ABLIM1: variants seen among roughly 807,000 people sequenced by gnomAD.
ABLIM1 encodes the protein actin binding LIM protein 1, also known as actin-binding LIM protein 1.
In ABLIM1, 40 loss-of-function variants were observed where a neutral mutation model predicts 107.0. The ratio of observed to expected loss-of-function variants is 0.37; its 90% CI spans 0.29 to 0.49. The LOEUF (loss-of-function observed/expected upper bound fraction) is 0.49, where lower values mean the gene tolerates loss of function less well. Among genes scored for constraint, ABLIM1 ranks in the 20% least tolerant of loss-of-function variants. The probability of loss-of-function intolerance (pLI) is 0.97; values close to 1 mark genes in which losing one functional copy is unlikely to be tolerated. For missense variants in ABLIM1, 857 were observed against 1,008.5 expected, an observed-to-expected ratio of 0.85 and a Z score of 2.04; for synonymous variants, 357 against 357.3, an observed-to-expected ratio of 1.00 and a Z score of 0.01.
chr10:114,527,659 C>CTTTTTT (rs10639922), intron 6 of ABLIM1, among the ~76,000 whole-genome samples: 3 of 127,288 alleles, frequency 2.4e-5, no homozygotes, highest in African/African-American at 6.2e-5. Flanking sequence ...CAACTCTTGT[C>CTTTTTT]TTTTTTTTTT....
intron 6 of ABLIM1, among the ~76,000 whole-genome samples, chr10:114,507,787 G>A (rs2061356503): frequency 6.6e-6 from 1 of 152,196 alleles, no homozygotes; most frequent in South Asian, 2.1e-4. Flanking sequence ...GTTCCACTGT[G>A]TACAGTCACA....
intron 1 of ABLIM1, among the ~76,000 whole-genome samples, chr10:114,711,334 T>A (rs2081543784): frequency 6.6e-6 from 1 of 152,186 alleles, no homozygotes; most frequent in Admixed American, 6.5e-5. Flanking sequence ...TATAGGGTAC[T>A]GGGTATGTCT....
intron 6 of ABLIM1, among the ~76,000 whole-genome samples, chr10:114,528,140 T>G (rs760401440): frequency 3.3e-5 from 5 of 152,146 alleles, no homozygotes; most frequent in Non-Finnish European, 5.9e-5. Flanking sequence ...CCGGCAATTT[T>G]TAAATTTTTT....
intron 11 of ABLIM1, among the ~76,000 whole-genome samples, chr10:114,466,793 T>G (rs1301441919): frequency 6.6e-6 from 1 of 152,188 alleles, no homozygotes; most frequent in Non-Finnish European, 1.5e-5. Context: ...TTCAAATACT[T>G]TCATAGTACT....
At chr10:114,712,455 GT>G (rs2081574807) in intron 1 of ABLIM1, among the ~76,000 whole-genome samples, 1 of 151,406 alleles carries the variant, frequency 6.6e-6, no homozygotes, top group Non-Finnish European at 1.5e-5. Context: ...ATAAAAGATG[GT>G]TTTCAAGCCA....
chr10:114,601,935 G>C lies in ABLIM1; in HGVS notation c.271C>G (p.Pro91Ala). The C allele has an allele frequency of 1.9e-6, 3 of 1,614,138 alleles. No homozygotes were observed. The highest frequency in any genetic ancestry group is 2.5e-6 in the Non-Finnish European group (3 of 1,180,030). The change falls in exon 2 of 23, where the codon CCA (proline) becomes GCA (alanine). Residue 91 changes from proline (P) to alanine (A), a missense_variant. Physicochemically the swap from Pro to Ala is conservative, Grantham distance 27. Transcript: ENST00000533213. ...FVAHPQDPHH[P>A]SEKPVIHCHK... ...CAGTGAATGACAGGCTTCTCTGATGGGTGGTGAGGGTCCTGAGGGTGGGCC... is the reference window on the plus strand; with the variant it reads ...CAGTGAATGACAGGCTTCTCTGATGCGTGGTGAGGGTCCTGAGGGTGGGCC...
intron 12 of ABLIM1, chr10:114,465,436 T>C (rs899471440): frequency 1.0e-5 from 3 of 287,660 alleles, no homozygotes; most frequent in African/African-American, 2.2e-5. Flanking sequence ...TAAAAAAATT[T>C]TTAAAAAAAC....
At chr10:114,776,792 T>C in the ABLIM1 span, among the ~76,000 whole-genome samples, 1 of 152,146 alleles carries the variant, frequency 6.6e-6, no homozygotes, top group Non-Finnish European at 1.5e-5. Context: ...TAATTTTCCT[T>C]TTCCCTGTAG....
At position 114,622,804 on chromosome 10, in the gene ABLIM1, G is replaced by T. The variant is rs145281977; in HGVS notation, c.245-20843C>A. Reference sequence around the variant, plus strand: ...CAGCATAAAGACAAGGAGGATAAAGGCCTTTATGATGATCTACTTCCACCA... The same window carrying T: ...CAGCATAAAGACAAGGAGGATAAAGTCCTTTATGATGATCTACTTCCACCA... On this transcript the variant is annotated intron_variant, in intron 1 of 22. Coordinates refer to ENST00000533213, the MANE Select transcript of ABLIM1 (RefSeq NM_002313.7). Among the ~76,000 whole-genome samples, 965 of 152,136 alleles carry T rather than the reference G, an allele frequency of 6.3e-3. 2 individuals are homozygous for T. The highest frequency in any genetic ancestry group is 0.01 in the Non-Finnish European group (710 of 68,006).
chr10:114,752,542 T>A (rs2082538625), intron 1 of ABLIM1, among the ~76,000 whole-genome samples: 1 of 152,146 alleles, frequency 6.6e-6, no homozygotes, highest in Admixed American at 6.5e-5. Context: ...ATCACCTAGG[T>A]GTTAAGCCCA....
In ABLIM1 at chr10:114,488,014, A is replaced by T; in HGVS notation, c.985T>A (p.Ser329Thr). 1 of 1,614,000 alleles carries T rather than the reference A, an allele frequency of 6.2e-7. No homozygotes were observed. Among genetic ancestry groups the T allele is most frequent in the Non-Finnish European group, 8.5e-7 (1 of 1,179,992 alleles). ...TTACAGTCGGGATGCCAAACGGTGG[A>T]GCCTGAGAAGACAGAATGCACTACT... The part of the protein sequence containing the change: ...TEGEEMYLQG[S>T]TVWHPDCKQS... The change falls in exon 8 of 23, where the codon TCC becomes ACC. Residue 329 changes from serine to threonine, a missense_variant and splice_region_variant. By Grantham distance (58) the Ser-to-Thr change is moderately conservative. Coordinates refer to ENST00000533213, the MANE Select transcript of ABLIM1 (RefSeq NM_002313.7).
At chr10:114,547,988 G>A (rs772056379) in intron 4 of ABLIM1, among the ~76,000 whole-genome samples, 1 of 152,198 alleles carries the variant, frequency 6.6e-6, no homozygotes, top group East Asian at 1.9e-4. Context: ...GAAGCTTCAT[G>A]AACCTCCGTG....
chr10:114,435,772 G>A lies in ABLIM1; in HGVS notation c.*488C>T, dbSNP rs1261257300. On this transcript the variant is annotated 3_prime_UTR_variant, in exon 23 of 23. Coordinates refer to ENST00000533213, the MANE Select transcript of ABLIM1 (RefSeq NM_002313.7). ...GAGTAACACGAAGCCATTCAAGAAAGGCGGGTGTGAAATCACTGCCACCCC... is the reference window on the plus strand; with the variant it reads ...GAGTAACACGAAGCCATTCAAGAAAAGCGGGTGTGAAATCACTGCCACCCC... 3 of 152,958 alleles carry A rather than the reference G, an allele frequency of 2.0e-5. No individual in the cohort carries two copies. The highest frequency in any genetic ancestry group is 4.4e-5 in the Non-Finnish European group (3 of 68,584). The allele number at this position is 152,958 out of a possible 1,614,324, so 9.5% of individuals were successfully genotyped here.
intron 15 of ABLIM1, among the ~76,000 whole-genome samples, chr10:114,446,719 G>A (rs1319260111): frequency 6.6e-6 from 1 of 152,156 alleles, no homozygotes; most frequent in South Asian, 2.1e-4. Context: ...GTCCCAGTAA[G>A]CAATTTACTA....
At chr10:114,715,229 G>A (rs1030570763) in intron 1 of ABLIM1, among the ~76,000 whole-genome samples, 1 of 152,084 alleles carries the variant, frequency 6.6e-6, no homozygotes, top group Non-Finnish European at 1.5e-5. Flanking sequence ...TTAAAAGAGC[G>A]AGCCAAGAAT....
intron 1 of ABLIM1, chr10:114,690,506 T>G (rs2081052698): frequency 6.7e-7 from 1 of 1,492,924 alleles, no homozygotes. Context: ...TACAACCAAA[T>G]CCTTTCTCTC....
intron 1 of ABLIM1, among the ~76,000 whole-genome samples, chr10:114,741,643 T>C (rs925053518): frequency 6.6e-6 from 1 of 152,172 alleles, no homozygotes; most frequent in Admixed American, 6.5e-5. Flanking sequence ...ATGGTTAATA[T>C]CTTTAGGAAG....
Position 114,613,552 on chromosome 10 carries a change from C to T in ABLIM1, c.245-11591G>A, listed in dbSNP as rs1003760532. 6.7e-5 allele frequency: 43 copies of T among 640,850 alleles called. No individual in the cohort carries two copies. The African/African-American group carries it at 7.7e-4, about 12-fold the overall frequency. The allele number at this position is 640,850 out of a possible 1,614,324, so 39.7% of individuals were successfully genotyped here. A position where few individuals can be genotyped will look rare whatever the true frequency, so the allele number is the denominator to read the frequency against. ...ACTGATTCCAAACTGCAGAGTGAAGCTTTTCATTCAAGTGCTTATAAATTT... is the reference window on the plus strand; with the variant it reads ...ACTGATTCCAAACTGCAGAGTGAAGTTTTTCATTCAAGTGCTTATAAATTT... On this transcript the variant is annotated intron_variant, in intron 1 of 22. Transcript: ENST00000533213.
chr10:114,455,329 T>C (rs980064296), intron 12 of ABLIM1, among the ~76,000 whole-genome samples: 10 of 152,246 alleles, frequency 6.6e-5, no homozygotes, highest in African/African-American at 2.4e-4. Flanking sequence ...TATGTTATAA[T>C]GTTGACTTTA....
Sources: allele counts gnomAD v4.1 joint callset (sites outside exome capture counted in the v4.1 genomes callset), GRCh38; gene constraint gnomAD v4.1.1; transcripts MANE v1.5; gene names NCBI Gene and HGNC (gene_info 2026-07-23, HGNC 2026-07-21).